The following SBF2 variants were observed in gnomAD, a reference collection of about 807,000 sequenced individuals.
SBF2 encodes myotubularin-related protein 13.
A neutral mutation model predicts 225.2 loss-of-function variants in SBF2; 112 were observed. That is an observed-to-expected ratio of 0.50 (90% CI 0.43 to 0.58). The LOEUF (loss-of-function observed/expected upper bound fraction) is 0.58, where lower values mean the gene tolerates loss of function less well. SBF2 is among the 20% of genes least tolerant of loss of function. SBF2 has a pLI of 0.00. For synonymous variants in SBF2, 763 were observed against 773.3 expected (o/e 0.99, Z 0.22); for missense variants, 1,996 against 2,206.2 (o/e 0.90, Z 1.91).
chr11:9,824,234 C>T (rs1476860460), intron 28 of SBF2, among the ~76,000 whole-genome samples: 1 of 151,854 alleles, frequency 6.6e-6, no homozygotes, highest in African/African-American at 2.4e-5. Flanking sequence ...AGTTGGAGGC[C>T]AGTGTTAAAA....
At chr11:9,933,670 G>A (rs1454792484) in intron 16 of SBF2, among the ~76,000 whole-genome samples, 1 of 152,110 alleles carries the variant, frequency 6.6e-6, no homozygotes, top group Non-Finnish European at 1.5e-5. Context: ...GTGTGTAGAG[G>A]GAAATTTACA....
rs961932502 is a variant in SBF2 at position 10,289,208 on chromosome 11, C to T, written c.55+4807G>A. Among the ~76,000 whole-genome samples, 4 of 152,240 alleles carry T rather than the reference C, an allele frequency of 2.6e-5. No individual in the cohort carries two copies. In the East Asian group the frequency reaches 5.8e-4, roughly 22 times the overall value. Reference sequence around the variant, plus strand: ...ATTGGAGCAGGCGCCTCCAAGCCTACAAGGGCAGGAGGGATGCCTTCCCTG... The same window carrying T: ...ATTGGAGCAGGCGCCTCCAAGCCTATAAGGGCAGGAGGGATGCCTTCCCTG... On this transcript the variant is annotated intron_variant, in intron 1 of 39. Transcript: ENST00000256190.
Sources: allele counts gnomAD v4.1 joint callset (sites outside exome capture counted in the v4.1 genomes callset), GRCh38; gene constraint gnomAD v4.1.1; transcripts MANE v1.5; gene names NCBI Gene and HGNC (gene_info 2026-07-23, HGNC 2026-07-21).